The following LMTK2 variants were observed in gnomAD, a reference collection of about 807,000 sequenced individuals.
LMTK2 encodes the protein lemur tail kinase 2, also known as serine/threonine-protein kinase LMTK2.
LMTK2 carries 37 observed loss-of-function variants against 127.5 expected under a neutral mutation model. The ratio of observed to expected loss-of-function variants is 0.29; its 90% CI spans 0.22 to 0.38. LMTK2 has a LOEUF of 0.38. Ranked by LOEUF, LMTK2 falls within the 10% of genes least tolerant of loss-of-function variation. The pLI, the probability that LMTK2 is intolerant of heterozygous loss-of-function variation, is 1.00. For missense variants in LMTK2, 1,694 were observed against 1,920.3 expected, an observed-to-expected ratio of 0.88 and a Z score of 2.20; for synonymous variants, 819 against 810.1, an observed-to-expected ratio of 1.01 and a Z score of -0.19.
intron 6 of LMTK2, among the ~76,000 whole-genome samples, chr7:98,166,050 C>G (rs1269053001): frequency 6.6e-6 from 1 of 152,264 alleles, no homozygotes; most frequent in African/African-American, 2.4e-5. Flanking sequence ...TTGGCCCTCC[C>G]CACGCCTGGC....
chr7:98,108,725 G>T (rs972438637), intron 1 of LMTK2, among the ~76,000 whole-genome samples: 4 of 152,178 alleles, frequency 2.6e-5, no homozygotes, highest in African/African-American at 9.6e-5. Context: ...GTTAGCACTA[G>T]TATAGTGTAG....
At chr7:98,190,905 T>C in intron 10 of LMTK2, 28 bp downstream of exon 10, 1 of 1,607,320 alleles carries the variant, frequency 6.2e-7, no homozygotes, top group African/African-American at 1.3e-5. Flanking sequence ...CCGCCTGTTC[T>C]GTTTCGTCTT....
chr7:98,182,238 A>C lies in LMTK2; in HGVS notation c.792-2813A>C, dbSNP rs570479412. 7.9e-5 allele frequency among the ~76,000 whole-genome samples: 12 copies of C among 152,370 alleles called. No individual in the cohort carries two copies. In the South Asian group the frequency reaches 2.5e-3, roughly 32 times the overall value. ...CATCAAAGGCACAAGCAACAACAAC[A>C]TAGAAGACTACATGAAAATGTTTAA... On this transcript the variant is annotated intron_variant, in intron 7 of 13. Transcript: ENST00000297293.
rs1032250952 is a variant in LMTK2, at chr7:98,143,916, A to G, written c.376+2375A>G. Among the ~76,000 whole-genome samples, 5 of 152,194 alleles carry G rather than the reference A, an allele frequency of 3.3e-5. No homozygotes were observed. The East Asian group carries it at 7.7e-4, about 23-fold the overall frequency. On this transcript the variant is annotated intron_variant, in intron 3 of 13. Coordinates refer to ENST00000297293, the MANE Select transcript of LMTK2 (RefSeq NM_014916.4). The stretch of plus-strand genomic sequence containing the variant: ...TATGCAATTTGCTAAATTATAGTCA[A>G]TCAATACAGTGGCGATTTATGTGTT...
intron 7 of LMTK2, among the ~76,000 whole-genome samples, chr7:98,184,160 G>C (rs1797395251): frequency 6.6e-6 from 1 of 152,150 alleles, no homozygotes; most frequent in African/African-American, 2.4e-5. Context: ...CATTGTTATG[G>C]TTCTGGGGTT....
At position 98,193,378 on chromosome 7, in the gene LMTK2, C is replaced by T. The variant is rs1321467170; in HGVS notation, c.2913C>T (p.Asp971=). The change falls in exon 11 of 14, where the codon GAC becomes GAT. Residue 971 remains aspartate (D), a synonymous_variant. Transcript: ENST00000297293. The surrounding 1 kb of genome is among the most constrained non-coding windows in gnomAD (Gnocchi z 4.1). ...EAGLVSALSS[D]STSQDSLLED... ...GCTTGGTGTCTGCCCTCTCCTCGGA[C>T]TCAACCAGTCAGGACAGCCTCCTGG... The T allele has an allele frequency of 5.0e-6, 8 of 1,614,196 alleles. No homozygotes were observed. The highest frequency in any genetic ancestry group is 6.8e-6 in the Non-Finnish European group (8 of 1,180,028).
At chr7:98,180,189 G>A (rs980585595) in intron 7 of LMTK2, among the ~76,000 whole-genome samples, 1 of 152,186 alleles carries the variant, frequency 6.6e-6, no homozygotes, top group Non-Finnish European at 1.5e-5. Flanking sequence ...GGTGTTAGCC[G>A]TTGCTGTCAT....
In LMTK2 at chr7:98,150,238, G is replaced by T. The variant is rs549027845; in HGVS notation, c.377-1144G>T. ...CGGGAGAATCACTTGAACCCGGGAG[G>T]CGTAGGTTGCAGTGAGCTGAGATCG... On this transcript the variant is annotated intron_variant, in intron 3 of 13. Coordinates refer to ENST00000297293, the MANE Select transcript of LMTK2 (RefSeq NM_014916.4). Among the ~76,000 whole-genome samples, 26 of 151,622 alleles carry T rather than the reference G, an allele frequency of 1.7e-4. No individual in the cohort carries two copies. In the South Asian group the frequency reaches 5.4e-3, roughly 32 times the overall value.
At chr7:98,138,046 G>T (rs1239434838) in intron 2 of LMTK2, among the ~76,000 whole-genome samples, 1 of 152,270 alleles carries the variant, frequency 6.6e-6, no homozygotes, top group African/African-American at 2.4e-5. Context: ...TAATAGAGAA[G>T]ATCTGGTTAT....
chr7:98,129,851 G>A (rs1295997777), intron 1 of LMTK2, among the ~76,000 whole-genome samples: 1 of 152,074 alleles, frequency 6.6e-6, no homozygotes, highest in Admixed American at 6.6e-5. Context: ...GCTAGGCTCT[G>A]GGGAGTCATT....
At chr7:98,176,107 G>A (rs1308691237) in intron 7 of LMTK2, among the ~76,000 whole-genome samples, 1 of 152,208 alleles carries the variant, frequency 6.6e-6, no homozygotes, top group African/African-American at 2.4e-5. Flanking sequence ...ACTTATTCTA[G>A]GACTATAAGG....
At chr7:98,190,956 C>A in intron 10 of LMTK2, 79 bp downstream of exon 10, 1 of 1,340,664 alleles carries the variant, frequency 7.5e-7, no homozygotes, top group Non-Finnish European at 1.1e-6. Flanking sequence ...ATTCGTGGGC[C>A]AAATATTATG....
intron 4 of LMTK2, among the ~76,000 whole-genome samples, chr7:98,152,475 G>A (rs1365325399): frequency 6.6e-6 from 1 of 152,204 alleles, no homozygotes; most frequent in African/African-American, 2.4e-5. Context: ...AGCAAAACCT[G>A]TTACGTAGCA....
At chr7:98,136,309 A>G (rs1218747196) in intron 1 of LMTK2, among the ~76,000 whole-genome samples, 1 of 152,214 alleles carries the variant, frequency 6.6e-6, no homozygotes, top group Admixed American at 6.5e-5. Context: ...CAGAATTCCA[A>G]ATAACAAATG....
intron 1 of LMTK2, among the ~76,000 whole-genome samples, chr7:98,108,530 T>C (rs1160957727): frequency 2.0e-5 from 3 of 152,254 alleles, no homozygotes; most frequent in Non-Finnish European, 4.4e-5. Context: ...ACTAAATTTC[T>C]GTTACTGCCT....
In LMTK2 at chr7:98,193,204, T is replaced by C; in HGVS notation, c.2739T>C (p.Ser913=). The change falls in exon 11 of 14, where the codon AGT becomes AGC. Residue 913 remains serine, a synonymous_variant. Transcript: ENST00000297293. The surrounding 1 kb of genome is among the most constrained non-coding windows in gnomAD (Gnocchi z 4.1). ...LADDILASRV[S]VGSSLPELGQ... is the part of the protein sequence containing the mutation. ...ATGACATCCTTGCCAGCAGGGTGAG[T>C]GTAGGGAGTAGTCTCCCGGAACTGG... is the stretch of plus-strand genomic sequence containing the variant. 1 of 1,613,414 alleles carries C rather than the reference T, an allele frequency of 6.2e-7. No homozygotes were observed. Among genetic ancestry groups the C allele is most frequent in the Non-Finnish European group, 8.5e-7 (1 of 1,179,912 alleles).
Position 98,206,385 on chromosome 7 carries a change from C to T in LMTK2, c.*893C>T, listed in dbSNP as rs1401443928. On this transcript the variant is annotated 3_prime_UTR_variant, in exon 14 of 14. Transcript: ENST00000297293. The stretch of plus-strand genomic sequence containing the variant: ...CTCTCCTTGTCATTCTCCCACCCCA[C>T]ATCCCATTTTTTAAAGCCCTTTTGG... 6.6e-6 allele frequency: 1 copy of T among 152,256 alleles called. No individual in the cohort carries two copies. The highest frequency in any genetic ancestry group is 2.4e-5 in the African/African-American group (1 of 41,472). 9.4% of individuals were successfully genotyped at this position (152,256 alleles called of 1,614,324 possible).
intron 7 of LMTK2, among the ~76,000 whole-genome samples, chr7:98,181,594 T>C (rs971362721): frequency 6.6e-6 from 1 of 152,226 alleles, no homozygotes; most frequent in Non-Finnish European, 1.5e-5. Context: ...GGAAGACATA[T>C]AGACCAATGA....
At chr7:98,137,528 A>AG in intron 2 of LMTK2, 86 bp downstream of exon 2, 1 of 1,316,246 alleles carries the variant, frequency 7.6e-7, no homozygotes, top group South Asian at 1.6e-5. Context: ...CTTTGGGAAC[A>AG]GGATCAGCAG....
Sources: gnomAD v4.1 joint callset for allele counts (sites outside exome capture counted in the v4.1 genomes callset) on GRCh38, gnomAD v4.1.1 for gene constraint, Gnocchi (gnomAD v3.1) non-coding constraint, MANE v1.5 for transcripts, NCBI Gene and HGNC (gene_info 2026-07-23, HGNC 2026-07-21) for gene names.